The following GOLGA4 variants were observed in gnomAD, a reference collection of about 807,000 sequenced individuals.
The protein encoded by GOLGA4 is golgin subfamily A member 4.
GOLGA4 carries 169 observed loss-of-function variants against 265.9 expected under a neutral mutation model. The ratio of observed to expected loss-of-function variants is 0.64; its 90% CI spans 0.56 to 0.72. The LOEUF is 0.72. Ranked by LOEUF, GOLGA4 falls within the 30% of genes least tolerant of loss-of-function variation. The pLI is 0.00. For missense variants in GOLGA4, 2,482 were observed against 2,483.4 expected, an observed-to-expected ratio of 1.00 and a Z score of 0.01; for synonymous variants, 923 against 855.8, an observed-to-expected ratio of 1.08 and a Z score of -1.37.
At position 37,286,134 on chromosome 3, in the gene GOLGA4, C is replaced by CTTTTTTTTTTTTTTTTTTTTTTTTT. The variant is rs1559383108; in HGVS notation, c.525+76_525+77insTTTTTTTTTTTTTTTTTTTTTTTTT. On this transcript the variant is annotated intron_variant, in intron 4 of 23. Transcript: ENST00000361924. ...AAAGATCTTATATAGTAAGATATTT[C>CTTTTTTTTTTTTTTTTTTTTTTTTT]TTTCTTTTTTTTTTTTTTTTTTTTT... The CTTTTTTTTTTTTTTTTTTTTTTTTT allele has an allele frequency of 1.4e-5, 2 of 145,648 alleles. 1 individual carries two copies. 9.0% of individuals were successfully genotyped at this position (145,648 alleles called of 1,614,324 possible).
At chr3:37,292,232 A>G (rs1239398371) in intron 5 of GOLGA4, among the ~76,000 whole-genome samples, 2 of 152,144 alleles carry the variant, frequency 1.3e-5, no homozygotes, top group African/African-American at 4.8e-5. Context: ...GGAAGGTTGT[A>G]GGTTGTAGGA....
At chr3:37,269,691 T>G (rs965716351) in intron 2 of GOLGA4, among the ~76,000 whole-genome samples, 1 of 152,060 alleles carries the variant, frequency 6.6e-6, no homozygotes, top group Admixed American at 6.6e-5. Context: ...TAGTGACAGA[T>G]CTCTAATTTT....
rs754005163 is a variant in GOLGA4, at chr3:37,319,154, C to T, written c.1505C>T (p.Thr502Ile). 2 of 1,609,690 alleles carry T rather than the reference C, an allele frequency of 1.2e-6. No homozygotes were observed. The highest frequency in any genetic ancestry group is 4.5e-5 in the East Asian group (2 of 44,794). ...CAGGAACTGACCAAGAAGCTTCAGACCCGAGAAAGGGAATTTCAGGAACAA... is the reference window on the plus strand; with the variant it reads ...CAGGAACTGACCAAGAAGCTTCAGATCCGAGAAAGGGAATTTCAGGAACAA... ...KEQELTKKLQ[T>I]REREFQEQMK... Residue 502 changes from threonine to isoleucine, a missense_variant, in exon 12 of 24, where the codon ACC becomes ATC. Transcript: ENST00000361924.
At chr3:37,293,160 T>C (rs771667765) in intron 5 of GOLGA4, among the ~76,000 whole-genome samples, 2 of 152,226 alleles carry the variant, frequency 1.3e-5, no homozygotes, top group Non-Finnish European at 2.9e-5. Flanking sequence ...GTAAGAAATC[T>C]GTCTAGAAGG....
intron 2 of GOLGA4, among the ~76,000 whole-genome samples, chr3:37,270,591 T>C (rs2096796064): frequency 6.6e-6 from 1 of 152,198 alleles, no homozygotes; most frequent in African/African-American, 2.4e-5. Context: ...ACTCTTGCTG[T>C]TCTTCCTCTT....
intron 10 of GOLGA4, among the ~76,000 whole-genome samples, chr3:37,312,747 C>G (rs1239267632): frequency 6.6e-6 from 1 of 152,042 alleles, no homozygotes; most frequent in Non-Finnish European, 1.5e-5. Context: ...TGGTCTTGAA[C>G]TCCTAGGCTC....
chr3:37,287,615 AAGG>A (rs2096853269), intron 4 of GOLGA4: 1 of 152,252 alleles, frequency 6.6e-6, no homozygotes, highest in Non-Finnish European at 1.5e-5. Context: ...TGTAAGAGGT[AAGG>A]AGGAGAGCCA....
chr3:37,326,597 G>A lies in GOLGA4; in HGVS notation c.4711G>A (p.Glu1571Lys), dbSNP rs780290798. ...GGTTCAGAAACTTCAACATTTTCAA[G>A]AGTTAGGAGAAGAAAAGGACAACAG... Reference protein sequence around the residue: ...ELVQKLQHFQELGEEKDNRVK... With the variant: ...ELVQKLQHFQKLGEEKDNRVK... Residue 1571 changes from glutamate (E) to lysine (K), a missense_variant, in exon 14 of 24, where the codon GAG becomes AAG. By Grantham distance (56) the Glu-to-Lys change is moderately conservative. Around this residue, in one of 3 missense-constraint regions of GOLGA4, gnomAD observed 942 missense variants for 983.1 expected, o/e 0.96. Transcript: ENST00000361924. 1 of 1,613,124 alleles carries A rather than the reference G, an allele frequency of 6.2e-7. No homozygotes were observed. Among genetic ancestry groups the A allele is most frequent in the East Asian group, 2.2e-5 (1 of 44,836 alleles).
At chr3:37,260,916 C>T (rs144605675) in intron 2 of GOLGA4, among the ~76,000 whole-genome samples, 1,803 of 151,738 alleles carry the variant, frequency 0.012, 44 homozygotes, top group African/African-American at 0.039. Flanking sequence ...CCTGTAATCC[C>T]GGCAATTTGG....
chr3:37,254,905 A>ATT (rs1175663375), intron 2 of GOLGA4, among the ~76,000 whole-genome samples: 1 of 148,098 alleles, frequency 6.8e-6, no homozygotes, highest in Non-Finnish European at 1.5e-5. Flanking sequence ...TAGCTTATAT[A>ATT]TTATATATAT....
intron 21 of GOLGA4, among the ~76,000 whole-genome samples, chr3:37,354,563 A>C (rs751341279): frequency 1.4e-4 from 22 of 152,114 alleles, no homozygotes; most frequent in Non-Finnish European, 5.9e-5. Context: ...TTTTCTACCA[A>C]ATAAAACATC....
At chr3:37,341,097 G>C (rs1013508930) in intron 20 of GOLGA4, among the ~76,000 whole-genome samples, 12 of 152,266 alleles carry the variant, frequency 7.9e-5, no homozygotes, top group Admixed American at 7.8e-4. Flanking sequence ...AACCCAGGAG[G>C]TGGAGGTTGC....
intron 2 of GOLGA4, among the ~76,000 whole-genome samples, chr3:37,265,629 A>G (rs544360828): frequency 6.6e-6 from 1 of 152,308 alleles, no homozygotes; most frequent in South Asian, 2.1e-4. Flanking sequence ...TTAAGTATAC[A>G]CCTGTGAAAC....
chr3:37,340,072 A>G, intron 19 of GOLGA4, 52 bp from the exon 20 acceptor site: 1 of 759,806 alleles, frequency 1.3e-6, no homozygotes, highest in South Asian at 1.6e-5. Context: ...TCTTTTTCTT[A>G]CATACAGTTT....
At chr3:37,247,645 G>C (rs1043697828) in intron 1 of GOLGA4, among the ~76,000 whole-genome samples, 21 of 152,210 alleles carry the variant, frequency 1.4e-4, no homozygotes, top group Non-Finnish European at 3.1e-4. Context: ...CTGTAGGTCA[G>C]AAGTCTGGCA....
Position 37,322,014 on chromosome 3 carries a change from T to C in GOLGA4, c.1701+128T>C. 4.1e-6 allele frequency: 3 copies of C among 726,660 alleles called. No individual in the cohort carries two copies. The South Asian group carries it at 6.1e-5, about 15-fold the overall frequency. The allele number at this position is 726,660 out of a possible 1,614,324, so 45.0% of individuals were successfully genotyped here. On this transcript the variant is annotated intron_variant, in intron 13 of 23. Coordinates refer to ENST00000361924, the MANE Select transcript of GOLGA4 (RefSeq NM_002078.5). ...TTTATGTATACATGCCCTTCATTTTTAGGTAGTGTGAGCTATGCATGGGAG... is the reference window on the plus strand; with the variant it reads ...TTTATGTATACATGCCCTTCATTTTCAGGTAGTGTGAGCTATGCATGGGAG...
chr3:37,244,983 T>C (rs1300806084), intron 1 of GOLGA4, among the ~76,000 whole-genome samples: 1 of 152,226 alleles, frequency 6.6e-6, no homozygotes, highest in Non-Finnish European at 1.5e-5. Context: ...TGGGAATGTA[T>C]AAAATGTAAT....
chr3:37,337,161 C>A lies in GOLGA4; in HGVS notation c.6325C>A (p.Gln2109Lys). Reference protein sequence around the residue: ...GNDNVTIMELQTQLAQKTTLI... With the variant: ...GNDNVTIMELKTQLAQKTTLI... Reference sequence around the variant, plus strand: ...TTTTCAGGTAACAATTATGGAGCTACAGGTAAGGCTAGTTCTTCTTTTTTT... The same window carrying A: ...TTTTCAGGTAACAATTATGGAGCTAAAGGTAAGGCTAGTTCTTCTTTTTTT... The change falls in exon 18 of 24, where the codon CAG becomes AAG. Residue 2109 changes from glutamine (Q) to lysine (K), a missense_variant and splice_region_variant. Around this residue, in one of 3 missense-constraint regions of GOLGA4, gnomAD observed 942 missense variants for 983.1 expected, o/e 0.96. Transcript: ENST00000361924. 2.8e-6 allele frequency: 4 copies of A among 1,416,508 alleles called. No individual in the cohort carries two copies. Among genetic ancestry groups the A allele is most frequent in the Non-Finnish European group, 3.9e-6 (4 of 1,016,058 alleles). The allele number at this position is 1,416,508 out of a possible 1,614,324, so 87.7% of individuals were successfully genotyped here. A position where few individuals can be genotyped will look rare whatever the true frequency, so the allele number is the denominator to read the frequency against.
intron 16 of GOLGA4, among the ~76,000 whole-genome samples, chr3:37,334,331 G>T (rs115190250): frequency 6.6e-6 from 1 of 152,186 alleles, no homozygotes; most frequent in African/African-American, 2.4e-5. Flanking sequence ...GACAAAGGAA[G>T]TCATTACATT....
Sources: gnomAD v4.1 joint callset for allele counts (sites outside exome capture counted in the v4.1 genomes callset) on GRCh38, gnomAD v4.1.1 for gene constraint, gnomAD v4.1.1 regional missense constraint, MANE v1.5 for transcripts, NCBI Gene and HGNC (gene_info 2026-07-23, HGNC 2026-07-21) for gene names.